SCHIP1: variants seen among roughly 807,000 people sequenced by gnomAD.
SCHIP1 encodes the protein schwannomin interacting protein 1.
In SCHIP1, 8 loss-of-function variants were observed where a neutral mutation model predicts 29.7. The observed-to-expected ratio is 0.27, with a 90% CI of 0.16 to 0.49. The LOEUF (loss-of-function observed/expected upper bound fraction) is 0.49. SCHIP1 is among the 20% of genes least tolerant of loss of function. The pLI is 0.99. For synonymous variants in SCHIP1, 76 were observed against 94.9 expected (o/e 0.80, Z 1.16); for missense variants, 193 against 294.6 (o/e 0.66, Z 2.52).
At chr3:159,571,910 G>T in the SCHIP1 span, among the ~76,000 whole-genome samples, 1 of 152,184 alleles carries the variant, frequency 6.6e-6, no homozygotes, top group African/African-American at 2.4e-5. Flanking sequence ...TAGTTTATTT[G>T]TATAGAGGTG....
At chr3:159,335,401 T>A in the SCHIP1 span, among the ~76,000 whole-genome samples, 3 of 152,130 alleles carry the variant, frequency 2.0e-5, no homozygotes, top group Non-Finnish European at 4.4e-5. Context: ...CACAGGTTAG[T>A]TACATATGTA....
At chr3:159,547,780 G>C in the SCHIP1 span, among the ~76,000 whole-genome samples, 1 of 152,036 alleles carries the variant, frequency 6.6e-6, no homozygotes, top group South Asian at 2.1e-4. Context: ...TATCTGTTTT[G>C]GTACAAGTAC....
intron 1 of SCHIP1, among the ~76,000 whole-genome samples, chr3:159,856,532 A>G (rs1304548878): frequency 2.6e-5 from 4 of 152,194 alleles, no homozygotes; most frequent in Non-Finnish European, 2.9e-5. Context: ...TTAATATAGA[A>G]TATGGCAGAA....
At chr3:159,307,340 C>T in the SCHIP1 span, among the ~76,000 whole-genome samples, 2 of 152,184 alleles carry the variant, frequency 1.3e-5, no homozygotes, top group South Asian at 2.1e-4. Context: ...TCATTCTCCC[C>T]TTTAAAATGA....
At chr3:159,884,343 C>CTGTGTGTGTGTG (rs1248266404) in intron 2 of SCHIP1, among the ~76,000 whole-genome samples, 1 of 108,772 alleles carries the variant, frequency 9.2e-6, no homozygotes, top group Non-Finnish European at 1.9e-5. Flanking sequence ...ATATGTGTGT[C>CTGTGTGTGTGTG]TGTGTCTGTG....
At chr3:159,584,672 G>A in the SCHIP1 span, among the ~76,000 whole-genome samples, 2 of 152,106 alleles carry the variant, frequency 1.3e-5, no homozygotes, top group Non-Finnish European at 2.9e-5. Flanking sequence ...GAGGTTCTCA[G>A]TGTGTGGTCC....
At chr3:159,735,321 C>G in the SCHIP1 span, among the ~76,000 whole-genome samples, 1 of 151,848 alleles carries the variant, frequency 6.6e-6, no homozygotes, top group Non-Finnish European at 1.5e-5. Flanking sequence ...CCTCTGCCTC[C>G]CGGGTTCAAG....
chr3:159,701,279 T>C, the SCHIP1 span, among the ~76,000 whole-genome samples: 1 of 152,196 alleles, frequency 6.6e-6, no homozygotes, highest in Non-Finnish European at 1.5e-5. Context: ...TTATGGTTAA[T>C]AAACTTTATT....
chr3:159,600,858 G>C, the SCHIP1 span, among the ~76,000 whole-genome samples: 1 of 152,186 alleles, frequency 6.6e-6, no homozygotes, highest in Non-Finnish European at 1.5e-5. Context: ...CTGTGATGTT[G>C]GTTGGGTAGG....
At chr3:159,536,355 A>C in the SCHIP1 span, among the ~76,000 whole-genome samples, 2 of 152,182 alleles carry the variant, frequency 1.3e-5, no homozygotes, top group Non-Finnish European at 2.9e-5. Flanking sequence ...GAAATGAATT[A>C]GTGAGCTTGC....
chr3:159,705,906 C>T, the SCHIP1 span, among the ~76,000 whole-genome samples: 2 of 152,094 alleles, frequency 1.3e-5, no homozygotes, highest in Admixed American at 1.3e-4. Flanking sequence ...AGGGTTTCAC[C>T]ATCTTGGCCA....
the SCHIP1 span, among the ~76,000 whole-genome samples, chr3:159,501,186 TA>T: frequency 6.6e-6 from 1 of 152,166 alleles, no homozygotes; most frequent in Non-Finnish European, 1.5e-5. Flanking sequence ...ACTCATGAAA[TA>T]TGACATCTAA....
the SCHIP1 span, among the ~76,000 whole-genome samples, chr3:159,301,027 G>A: frequency 6.6e-6 from 1 of 152,076 alleles, no homozygotes; most frequent in Non-Finnish European, 1.5e-5. Flanking sequence ...ATTATGTAAT[G>A]TACTATTATG....
chr3:159,665,522 TGTG>T, the SCHIP1 span, among the ~76,000 whole-genome samples: 1 of 150,068 alleles, frequency 6.7e-6, no homozygotes, highest in Non-Finnish European at 1.5e-5. Context: ...TGTTTTTTGT[TGTG>T]GTGGTTTTTT....
At chr3:159,671,630 C>T in the SCHIP1 span, among the ~76,000 whole-genome samples, 1 of 152,158 alleles carries the variant, frequency 6.6e-6, no homozygotes, top group Non-Finnish European at 1.5e-5. Context: ...TCTGGGCCAG[C>T]CTGTCATTTA....
At chr3:159,324,916 C>CTTAGATACT in the SCHIP1 span, among the ~76,000 whole-genome samples, 1 of 152,062 alleles carries the variant, frequency 6.6e-6, no homozygotes, top group Non-Finnish European at 1.5e-5. Flanking sequence ...TGAATATTAT[C>CTTAGATACT]TTAGATACTT....
chr3:159,771,179 A>G, the SCHIP1 span, among the ~76,000 whole-genome samples: 2 of 152,332 alleles, frequency 1.3e-5, no homozygotes, highest in South Asian at 4.1e-4. Flanking sequence ...TCAATGTATT[A>G]TTCTGTAAGA....
chr3:159,426,099 C>A, the SCHIP1 span, among the ~76,000 whole-genome samples: 1 of 151,762 alleles, frequency 6.6e-6, no homozygotes, highest in Middle Eastern at 3.4e-3. Context: ...AGGAAAGATC[C>A]AAAATTGACA....
At chr3:159,327,991 G>A in the SCHIP1 span, among the ~76,000 whole-genome samples, 4 of 152,268 alleles carry the variant, frequency 2.6e-5, no homozygotes, top group South Asian at 2.1e-4. Context: ...AACCCTGAGC[G>A]ACCTGAACTA....
Sources: gnomAD v4.1 joint callset for allele counts (sites outside exome capture counted in the v4.1 genomes callset) on GRCh38, gnomAD v4.1.1 for gene constraint, MANE v1.5 for transcripts, NCBI Gene and HGNC (gene_info 2026-07-23, HGNC 2026-07-21) for gene names.